Variants in ZKSCAN4 observed in about 807,000 individuals in gnomAD.
ZKSCAN4 encodes zinc finger protein with KRAB and SCAN domains 4.
ZKSCAN4 carries 23 observed loss-of-function variants against 30.8 expected under a neutral mutation model. That is an observed-to-expected ratio of 0.75 (90% confidence interval 0.54 to 1.06). The LOEUF is 1.06. Ranked by LOEUF, ZKSCAN4 falls within the 50% of genes least tolerant of loss-of-function variation. ZKSCAN4 has a pLI of 0.00. For missense variants in ZKSCAN4, 556 were observed against 665.4 expected (o/e 0.84, Z 1.81); for synonymous variants, 208 against 252.5 (o/e 0.82, Z 1.67).
chr6:28,247,765 A>G (rs1056823509), intron 3 of ZKSCAN4, among the ~76,000 whole-genome samples: 1 of 152,240 alleles, frequency 6.6e-6, no homozygotes, highest in African/African-American at 2.4e-5. Context: ...GCTTTTGCGG[A>G]ACTGCCCTTG....
In ZKSCAN4 at chr6:28,249,754, G is replaced by A. The variant is rs1760905765; in HGVS notation, c.504C>T (p.Ser168=). The A allele has an allele frequency of 5.0e-6, 8 of 1,614,134 alleles. No individual in the cohort carries two copies. The highest frequency in any genetic ancestry group is 6.8e-6 in the Non-Finnish European group (8 of 1,179,998). The change falls in exon 2 of 5, where the codon AGC becomes AGT. Residue 168 remains serine, a synonymous_variant. Transcript: ENST00000377294. The surrounding 1 kb of genome is among the most constrained non-coding windows in gnomAD (Gnocchi z 4.1). ...ACAGAGCCTTCATTGGCTGGCACTG[G>A]CTACTTTGAGACCCTTGAGTTTGTG... ...LLTQTQGSQS[S]QCQPMKALFK...
chr6:28,249,833 A>G lies in ZKSCAN4; in HGVS notation c.425T>C (p.Val142Ala). Residue 142 changes from valine (V) to alanine (A), a missense_variant and splice_region_variant, in exon 2 of 5, where the codon GTT (valine) becomes GCT (alanine). Val to Ala is a moderately conservative substitution (Grantham distance 64). Around this residue, in one of 3 missense-constraint regions of ZKSCAN4, gnomAD observed 433 missense variants for 511.5 expected, o/e 0.85. Coordinates refer to ENST00000377294, the MANE Select transcript of ZKSCAN4 (RefSeq NM_019110.5). This position sits in a 1 kb window ranked among gnomAD's most constrained non-coding sequence, Gnocchi z 4.1. ...TTCTTGCCCCTGGTCACCAACGGGA[A>G]CCTAGAAGTCACGATTTTTAGTTAT... is the stretch of plus-strand genomic sequence containing the variant. ...ERQLDEPAPQVPVGDQGQELL... is the reference protein window; with the variant it reads ...ERQLDEPAPQAPVGDQGQELL... 6.2e-7 allele frequency: 1 copy of G among 1,612,188 alleles called. No homozygotes were observed. The highest frequency in any genetic ancestry group is 8.5e-7 in the Non-Finnish European group (1 of 1,179,552).
intron 2 of ZKSCAN4, among the ~76,000 whole-genome samples, chr6:28,248,854 A>G (rs1352467156): frequency 6.6e-6 from 1 of 151,784 alleles, no homozygotes; most frequent in East Asian, 1.9e-4. Context: ...AGAAAAAAGA[A>G]AAAGAAAAAC....
At chr6:28,247,865 T>C (rs1760803916) in intron 3 of ZKSCAN4, among the ~76,000 whole-genome samples, 1 of 152,222 alleles carries the variant, frequency 6.6e-6, no homozygotes, top group South Asian at 2.1e-4. Flanking sequence ...TCCAAGGTTG[T>C]TGTGAAACAG....
chr6:28,256,438 A>G (rs1422964375), upstream of ZKSCAN4, among the ~76,000 whole-genome samples: 1 of 152,208 alleles, frequency 6.6e-6, no homozygotes, highest in Non-Finnish European at 1.5e-5. Context: ...CTCAAAAAAT[A>G]ATAAAATAAA....
rs1291047561 is a variant in ZKSCAN4 at position 28,249,189 on chromosome 6, G to A, written c.571+498C>T. Reference sequence around the variant, plus strand: ...CTAGTCACAGGCTTTACAGGGTTTAGATTTACACTCTTCTATTTGCAGCAG... The same window carrying A: ...CTAGTCACAGGCTTTACAGGGTTTAAATTTACACTCTTCTATTTGCAGCAG... On this transcript the variant is annotated intron_variant, in intron 2 of 4. Coordinates refer to ENST00000377294, the MANE Select transcript of ZKSCAN4 (RefSeq NM_019110.5). The surrounding 1 kb of genome is among the most constrained non-coding windows in gnomAD (Gnocchi z 4.1). Among the ~76,000 whole-genome samples, 1 of 152,204 alleles carries A rather than the reference G, an allele frequency of 6.6e-6. No individual in the cohort carries two copies. Among genetic ancestry groups the A allele is most frequent in the African/African-American group, 2.4e-5 (1 of 41,448 alleles).
In ZKSCAN4 at chr6:28,246,931, C is replaced by T. The variant is rs540399157; in HGVS notation, c.778+38G>A. ...AATAGGTTCTAATACGCAAAGAATG[C>T]CAAGAAATCTTAAGACAAATTAGTG... On this transcript the variant is annotated intron_variant, in intron 4 of 4. Transcript: ENST00000377294. The T allele has an allele frequency of 4.4e-6, 7 of 1,581,518 alleles. No individual in the cohort carries two copies. In the South Asian group the frequency reaches 7.0e-5, roughly 16 times the overall value.
At chr6:28,258,496 G>A in the ZKSCAN4 span, among the ~76,000 whole-genome samples, 30 of 151,934 alleles carry the variant, frequency 2.0e-4, no homozygotes, top group African/African-American at 6.5e-4. Flanking sequence ...CATGACTCTG[G>A]GCCGGGCATG....
intron 2 of ZKSCAN4, among the ~76,000 whole-genome samples, chr6:28,248,995 G>A (rs1433560896): frequency 6.6e-6 from 1 of 152,110 alleles, no homozygotes; most frequent in Non-Finnish European, 1.5e-5. Context: ...AATTTGCAAG[G>A]GGCAGAAAAT....
At chr6:28,256,807 A>T (rs1344810431), upstream of ZKSCAN4, among the ~76,000 whole-genome samples, 2 of 152,250 alleles carry the variant, frequency 1.3e-5, no homozygotes, top group Non-Finnish European at 2.9e-5. Context: ...CTGCCTACAG[A>T]CCAAAATTGC....
In ZKSCAN4 at chr6:28,244,883, G is replaced by A; in HGVS notation, c.*233C>T. The stretch of plus-strand genomic sequence containing the variant: ...ACTGGGTGAGAACAAACTATTTTAG[G>A]TCCTACAACTTCCAGACCACTCTCC... On this transcript the variant is annotated 3_prime_UTR_variant, in exon 5 of 5. Coordinates refer to ENST00000377294, the MANE Select transcript of ZKSCAN4 (RefSeq NM_019110.5). 3.4e-6 allele frequency: 2 copies of A among 588,782 alleles called. No individual in the cohort carries two copies. The highest frequency in any genetic ancestry group is 1.9e-5 in the South Asian group (1 of 53,868). The allele number at this position is 588,782 out of a possible 1,614,324, so 36.5% of individuals were successfully genotyped here. A position where few individuals can be genotyped will look rare whatever the true frequency, so the allele number is the denominator to read the frequency against.
rs1426922457 is a variant in ZKSCAN4 at position 28,243,964 on chromosome 6, C to T, written c.*1152G>A. On this transcript the variant is annotated 3_prime_UTR_variant, in exon 5 of 5. Transcript: ENST00000377294. The stretch of plus-strand genomic sequence containing the variant: ...ACAGGTGTAAGCCATGGCACCCAGC[C>T]TGAACAGATACATTTTCTCCTACCA... 6.6e-6 allele frequency among the ~76,000 whole-genome samples: 1 copy of T among 152,172 alleles called. No individual in the cohort carries two copies. Among genetic ancestry groups the T allele is most frequent in the Non-Finnish European group, 1.5e-5 (1 of 68,026 alleles).
Position 28,251,488 on chromosome 6 carries a change from C to T in ZKSCAN4, c.423+70G>A, listed in dbSNP as rs745789733. 6.2e-7 allele frequency: 1 copy of T among 1,612,732 alleles called. No homozygotes were observed. The highest frequency in any genetic ancestry group is 8.5e-7 in the Non-Finnish European group (1 of 1,179,286). ...AACTCCTGGACCTTAAAGGAATGCCCCTCGCTCCGATCTGGGATTTCAGGA... is the reference window on the plus strand; with the variant it reads ...AACTCCTGGACCTTAAAGGAATGCCTCTCGCTCCGATCTGGGATTTCAGGA... On this transcript the variant is annotated intron_variant, in intron 1 of 4. Transcript: ENST00000377294. This position sits in a 1 kb window ranked among gnomAD's most constrained non-coding sequence, Gnocchi z 4.5.
At chr6:28,254,312 T>C (rs1212906988), upstream of ZKSCAN4, among the ~76,000 whole-genome samples, 1 of 152,210 alleles carries the variant, frequency 6.6e-6, no homozygotes, top group Non-Finnish European at 1.5e-5. Context: ...ATATGCAAAT[T>C]AAGCACCAGA....
At chr6:28,247,986 TG>T in intron 3 of ZKSCAN4, 80 bp downstream of exon 3, 1 of 973,590 alleles carries the variant, frequency 1.0e-6, no homozygotes, top group African/African-American at 1.6e-5. Flanking sequence ...GGGGTAGGAC[TG>T]GGGAGGGAGG....
At chr6:28,246,670 C>T (rs538681104) in intron 4 of ZKSCAN4, among the ~76,000 whole-genome samples, 1 of 152,258 alleles carries the variant, frequency 6.6e-6, no homozygotes, top group South Asian at 2.1e-4. Flanking sequence ...CGCAGCTTTC[C>T]TCTTCAGTCA....
In ZKSCAN4 at chr6:28,244,868, A is replaced by T. The variant is rs1293341055; in HGVS notation, c.*248T>A. On this transcript the variant is annotated 3_prime_UTR_variant, in exon 5 of 5. Transcript: ENST00000377294. ...AGGCCATTTAAATACACTGGGTGAG[A>T]ACAAACTATTTTAGGTCCTACAACT... is the stretch of plus-strand genomic sequence containing the variant. The T allele has an allele frequency of 7.4e-6, 4 of 540,176 alleles. No homozygotes were observed. Among genetic ancestry groups the T allele is most frequent in the Middle Eastern group, 4.3e-4 (1 of 2,308 alleles). The allele number at this position is 540,176 out of a possible 1,614,324, so 33.5% of individuals were successfully genotyped here.
intron 4 of ZKSCAN4, 116 bp downstream of exon 4, chr6:28,246,853 A>G (rs1293468753): frequency 7.9e-6 from 10 of 1,273,178 alleles, no homozygotes; most frequent in Non-Finnish European, 9.6e-6. Flanking sequence ...GGCTTTCAGG[A>G]ATGGTGATTC....
chr6:28,248,058 C>T lies in ZKSCAN4; in HGVS notation c.654+9G>A, dbSNP rs370895767. 2.7e-5 allele frequency: 44 copies of T among 1,607,738 alleles called. No homozygotes were observed. In the African/African-American group the frequency reaches 5.7e-4, roughly 21 times the overall value. ...GGGGCGCTGGGGAGGGAGAGGAGCT[C>T]CAGCTCACCTGGGACCCTGGAGTGA... is the stretch of plus-strand genomic sequence containing the variant. On this transcript the variant is annotated intron_variant, in intron 3 of 4. Transcript: ENST00000377294.
Sources: gnomAD v4.1 joint callset for allele counts (sites outside exome capture counted in the v4.1 genomes callset) on GRCh38, gnomAD v4.1.1 for gene constraint, gnomAD v4.1.1 regional missense constraint, Gnocchi (gnomAD v3.1) non-coding constraint, MANE v1.5 for transcripts, NCBI Gene and HGNC (gene_info 2026-07-23, HGNC 2026-07-21) for gene names.